Variants in DGKB observed in about 807,000 individuals in gnomAD.
DGKB encodes the protein 90 kDa diacylglycerol kinase.
Under a neutral mutation model 114.3 loss-of-function variants are expected in DGKB, and 67 were observed. The observed-to-expected ratio is 0.59, with a 90% CI of 0.48 to 0.72. The LOEUF (loss-of-function observed/expected upper bound fraction) is 0.72, where lower values mean the gene tolerates loss of function less well. Ranked by LOEUF, DGKB falls within the 30% of genes least tolerant of loss-of-function variation. The pLI is 0.00. For missense variants in DGKB, 907 were observed against 975.2 expected (o/e 0.93, Z 0.93); for synonymous variants, 398 against 323.1 (o/e 1.23, Z -2.49).
chr7:14,821,654 C>T (rs74425895), intron 2 of DGKB, among the ~76,000 whole-genome samples: 167 of 152,312 alleles, frequency 1.1e-3, no homozygotes, highest in African/African-American at 3.9e-3. Flanking sequence ...AGAACATCCA[C>T]ATACGTCTTA....
intron 17 of DGKB, among the ~76,000 whole-genome samples, chr7:14,589,884 T>C (rs1399152199): frequency 6.6e-6 from 1 of 152,098 alleles, no homozygotes; most frequent in African/African-American, 2.4e-5. Flanking sequence ...TTTTTAAAAT[T>C]AAAATTATAC....
chr7:14,822,880 T>G, intron 2 of DGKB, among the ~76,000 whole-genome samples: 1 of 152,254 alleles, frequency 6.6e-6, no homozygotes, highest in South Asian at 2.1e-4. Flanking sequence ...CTATTTCTAC[T>G]TACCTTGTTC....
chr7:14,753,786 A>G (rs1486002780), intron 4 of DGKB, 142 bp downstream of exon 4: 1 of 634,306 alleles, frequency 1.6e-6, no homozygotes, highest in Non-Finnish European at 2.8e-6. Context: ...GTTATAACCT[A>G]TGAGTATTAT....
intron 21 of DGKB, among the ~76,000 whole-genome samples, chr7:14,372,580 C>A (rs1449747105): frequency 6.6e-6 from 1 of 152,032 alleles, no homozygotes; most frequent in Non-Finnish European, 1.5e-5. Context: ...TTGGCTGCTA[C>A]TTGCTTTTTG....
chr7:14,241,798 T>C (rs2128366459), intron 23 of DGKB, among the ~76,000 whole-genome samples: 1 of 152,036 alleles, frequency 6.6e-6, no homozygotes, highest in Non-Finnish European at 1.5e-5. Context: ...GAAAAACAGT[T>C]TTACTAACAT....
intron 23 of DGKB, among the ~76,000 whole-genome samples, chr7:14,206,512 A>T (rs772906969): frequency 1.3e-5 from 2 of 152,064 alleles, no homozygotes; most frequent in Non-Finnish European, 2.9e-5. Flanking sequence ...GAAAAGGCAT[A>T]TTAGGCTTAA....
intron 1 of DGKB, among the ~76,000 whole-genome samples, chr7:14,944,728 C>T (rs1479138204): frequency 6.6e-6 from 1 of 151,522 alleles, no homozygotes; most frequent in Non-Finnish European, 1.5e-5. Context: ...AGGTAGAGGC[C>T]ATGCTAACTA....
At chr7:14,709,151 C>T (rs1337974332) in intron 6 of DGKB, among the ~76,000 whole-genome samples, 7 of 151,674 alleles carry the variant, frequency 4.6e-5, no homozygotes, top group East Asian at 1.9e-4. Flanking sequence ...AAAAAGTGGG[C>T]GAAGGACATG....
intron 21 of DGKB, among the ~76,000 whole-genome samples, chr7:14,369,186 C>T (rs1817208582): frequency 1.3e-5 from 2 of 151,890 alleles, no homozygotes; most frequent in African/African-American, 4.8e-5. Context: ...TTTTCTGTTC[C>T]TGTGTTAGTT....
intron 23 of DGKB, among the ~76,000 whole-genome samples, chr7:14,193,176 G>GAA (rs34575063): frequency 1.2e-4 from 17 of 142,944 alleles, no homozygotes; most frequent in East Asian, 1.0e-3. Flanking sequence ...CAGAGAAATA[G>GAA]AAAAAAAAAA....
At chr7:14,512,612 C>G (rs931474711) in intron 20 of DGKB, among the ~76,000 whole-genome samples, 5 of 151,946 alleles carry the variant, frequency 3.3e-5, no homozygotes, top group Non-Finnish European at 5.9e-5. Flanking sequence ...AATCTGACTT[C>G]CAGCCATTGA....
At chr7:14,532,710 C>T (rs1028117617) in intron 20 of DGKB, among the ~76,000 whole-genome samples, 2 of 151,508 alleles carry the variant, frequency 1.3e-5, no homozygotes, top group Non-Finnish European at 3.0e-5. Flanking sequence ...ATGCCATTCT[C>T]TTAATATTTG....
At chr7:14,201,312 A>G (rs917972034) in intron 23 of DGKB, among the ~76,000 whole-genome samples, 1 of 151,976 alleles carries the variant, frequency 6.6e-6, no homozygotes, top group Non-Finnish European at 1.5e-5. Flanking sequence ...AACATCACCT[A>G]GGGGTTAGAA....
rs1043880963 is a variant in DGKB at position 14,155,392 on chromosome 7, G to A, written c.2305-6154C>T. Among the ~76,000 whole-genome samples the A allele has an allele frequency of 7.2e-5, 11 of 152,004 alleles. 1 individual carries two copies. Among genetic ancestry groups the A allele is most frequent in the Admixed American group, 6.6e-4 (10 of 15,236 alleles). ...TAATGATGATAGAAGATATGTGATG[G>A]TAGGTTGTAATATGCTTTGAGCTAG... On this transcript the variant is annotated intron_variant, in intron 25 of 25. Coordinates refer to ENST00000402815, the MANE Select transcript of DGKB (RefSeq NM_001350709.2).
At chr7:14,526,849 G>T (rs1326484565) in intron 20 of DGKB, among the ~76,000 whole-genome samples, 5 of 152,038 alleles carry the variant, frequency 3.3e-5, no homozygotes, top group Non-Finnish European at 7.4e-5. Flanking sequence ...ATGTGAGTGT[G>T]TGAACTTAGC....
chr7:14,355,302 T>C (rs1217598867), intron 21 of DGKB, among the ~76,000 whole-genome samples: 1 of 152,210 alleles, frequency 6.6e-6, no homozygotes, highest in Non-Finnish European at 1.5e-5. Context: ...TGGCCAGAAC[T>C]TCCAACACTA....
At position 14,535,716 on chromosome 7, in the gene DGKB, T is replaced by A. The variant is rs185652457; in HGVS notation, c.1770+38496A>T. ...AATTCTCCTGCCTCAGCCTCCTGAG[T>A]AACTGGGATTACAGGCACCCGCCAC... is the stretch of plus-strand genomic sequence containing the variant. On this transcript the variant is annotated intron_variant, in intron 20 of 25. Coordinates refer to ENST00000402815, the MANE Select transcript of DGKB (RefSeq NM_001350709.2). Among the ~76,000 whole-genome samples the A allele has an allele frequency of 8.6e-4, 131 of 152,160 alleles. 3 individuals are homozygous for A. The East Asian group carries it at 0.022, about 25-fold the overall frequency.
chr7:14,704,155 G>A (rs889865649), intron 6 of DGKB, among the ~76,000 whole-genome samples: 2 of 151,804 alleles, frequency 1.3e-5, no homozygotes, highest in Non-Finnish European at 2.9e-5. Flanking sequence ...ATGTTTGCCG[G>A]CCGGGCGCGG....
chr7:14,595,060 A>AGGG (rs1802334117), intron 17 of DGKB, among the ~76,000 whole-genome samples: 1 of 152,078 alleles, frequency 6.6e-6, no homozygotes, highest in Non-Finnish European at 1.5e-5. Context: ...GAGGGCAGTT[A>AGGG]ATGTGGACTA....
Sources: allele counts gnomAD v4.1 joint callset (sites outside exome capture counted in the v4.1 genomes callset), GRCh38; gene constraint gnomAD v4.1.1; transcripts MANE v1.5; gene names NCBI Gene and HGNC (gene_info 2026-07-23, HGNC 2026-07-21).